The following MNAT1 variants were observed in gnomAD, a reference collection of about 807,000 sequenced individuals.
The protein encoded by MNAT1 is MNAT1 component of CDK activating kinase, also known as CDK-activating kinase assembly factor MAT1.
A neutral mutation model predicts 42.0 loss-of-function variants in MNAT1; 43 were observed. The observed-to-expected ratio is 1.02, with a 90% CI of 0.80 to 1.32. The LOEUF (loss-of-function observed/expected upper bound fraction) is 1.32. Among genes scored for constraint, MNAT1 ranks in the 40% most tolerant of loss-of-function variants. The pLI, the probability that MNAT1 is intolerant of heterozygous loss-of-function variation, is 0.00. For missense variants in MNAT1, 306 were observed against 350.4 expected (o/e 0.87, Z 1.01); for synonymous variants, 118 against 120.0 (o/e 0.98, Z 0.11).
At chr14:60,816,583 A>T (rs1004087347) in intron 5 of MNAT1, among the ~76,000 whole-genome samples, 2 of 152,126 alleles carry the variant, frequency 1.3e-5, no homozygotes, top group African/African-American at 2.4e-5. Context: ...TTCTTTAAAT[A>T]TTAAACAGTG....
rs969722841 is a variant in MNAT1, at chr14:60,858,419, G to T, written c.688-21295G>T. Among the ~76,000 whole-genome samples the T allele has an allele frequency of 6.8e-3, 952 of 140,558 alleles. 8 individuals carry two copies. The highest frequency in any genetic ancestry group is 0.021 in the African/African-American group (809 of 38,280). The allele number at this position is 140,558 out of a possible 152,430, so 92.2% of individuals were successfully genotyped here. ...TATCCTTTGCCCACTTTTTGATGGG[G>T]TTTTTTTTTTTTTTATAAATTTGTT... On this transcript the variant is annotated intron_variant, in intron 6 of 7. Transcript: ENST00000261245.
At chr14:60,941,685 G>C (rs2036162387) in intron 7 of MNAT1, among the ~76,000 whole-genome samples, 1 of 151,286 alleles carries the variant, frequency 6.6e-6, no homozygotes, top group Non-Finnish European at 1.5e-5. Flanking sequence ...GTGAGCAATA[G>C]AGTTAGACCC....
chr14:60,793,304 A>C lies in MNAT1; in HGVS notation c.90-2913A>C, dbSNP rs151207742. On this transcript the variant is annotated intron_variant, in intron 1 of 7. Coordinates refer to ENST00000261245, the MANE Select transcript of MNAT1 (RefSeq NM_002431.4). ...TGACCTGCCTGCCTTGGCCTCCCAA[A>C]GTGATGGGATTACATGTGTGAGCCA... Among the ~76,000 whole-genome samples the C allele has an allele frequency of 5.7e-3, 861 of 152,046 alleles. 8 individuals are homozygous for C. Among genetic ancestry groups the C allele is most frequent in the Non-Finnish European group, 9.8e-3 (664 of 67,990 alleles).
chr14:60,788,721 T>C lies in MNAT1; in HGVS notation c.90-7496T>C, dbSNP rs537084179. Among the ~76,000 whole-genome samples the C allele has an allele frequency of 2.6e-5, 4 of 152,330 alleles. No individual in the cohort carries two copies. The South Asian group carries it at 8.3e-4, about 32-fold the overall frequency. ...TATGGAAACAGCATCTTTCCTTGAA[T>C]TTCATGAACCAACCTCTGCTAGCTT... On this transcript the variant is annotated intron_variant, in intron 1 of 7. Transcript: ENST00000261245.
At chr14:60,933,574 CATTT>C (rs1400134006) in intron 7 of MNAT1, among the ~76,000 whole-genome samples, 5 of 151,986 alleles carry the variant, frequency 3.3e-5, no homozygotes, top group Admixed American at 6.6e-5. Context: ...CAAATTATCC[CATTT>C]ATTTATTTAA....
At chr14:60,910,084 C>A (rs1005121831) in intron 7 of MNAT1, among the ~76,000 whole-genome samples, 2 of 152,152 alleles carry the variant, frequency 1.3e-5, no homozygotes, top group African/African-American at 4.8e-5. Flanking sequence ...CTCTTTGAAG[C>A]AATTATGAAT....
At chr14:60,945,582 C>T (rs1265546308) in intron 7 of MNAT1, among the ~76,000 whole-genome samples, 1 of 152,120 alleles carries the variant, frequency 6.6e-6, no homozygotes, top group Non-Finnish European at 1.5e-5. Flanking sequence ...CACATCTTTT[C>T]TTCCTTATGA....
intron 7 of MNAT1, among the ~76,000 whole-genome samples, chr14:60,915,482 T>A (rs941497679): frequency 3.3e-5 from 5 of 152,220 alleles, no homozygotes; most frequent in Non-Finnish European, 5.9e-5. Flanking sequence ...TCTTCACATT[T>A]TTCCTTTGGC....
intron 7 of MNAT1, among the ~76,000 whole-genome samples, chr14:60,889,908 T>C (rs902134729): frequency 2.6e-5 from 4 of 152,064 alleles, no homozygotes; most frequent in Non-Finnish European, 4.4e-5. Context: ...GAGATACCAT[T>C]TCACACCAAT....
intron 7 of MNAT1, among the ~76,000 whole-genome samples, chr14:60,887,868 GACAC>G (rs1157445695): frequency 6.6e-6 from 1 of 151,648 alleles, no homozygotes; most frequent in Non-Finnish European, 1.5e-5. Flanking sequence ...TAAATTCCTC[GACAC>G]ACACACCCTC....
chr14:60,781,878 A>T (rs776986386), intron 1 of MNAT1, among the ~76,000 whole-genome samples: 2 of 150,582 alleles, frequency 1.3e-5, no homozygotes, highest in Admixed American at 1.3e-4. Context: ...TTTATTTAGT[A>T]GTCATTTATT....
intron 7 of MNAT1, among the ~76,000 whole-genome samples, chr14:60,953,181 A>G (rs1452658115): frequency 5.9e-5 from 9 of 152,210 alleles, no homozygotes; most frequent in Admixed American, 5.2e-4. Context: ...TATACATAGT[A>G]TTTGTGAAAT....
chr14:60,807,360 A>T (rs993040903), intron 3 of MNAT1, among the ~76,000 whole-genome samples: 8 of 152,172 alleles, frequency 5.3e-5, no homozygotes, highest in Admixed American at 1.3e-4. Context: ...AACCCAAGGG[A>T]TAGAGCAGAG....
chr14:60,872,834 A>G (rs1453643599), intron 6 of MNAT1, among the ~76,000 whole-genome samples: 1 of 141,210 alleles, frequency 7.1e-6, no homozygotes, highest in Non-Finnish European at 1.5e-5. Context: ...TCACACACAC[A>G]TACACACACA....
intron 7 of MNAT1, among the ~76,000 whole-genome samples, chr14:60,945,836 A>G (rs1242057957): frequency 6.6e-6 from 1 of 152,162 alleles, no homozygotes; most frequent in Admixed American, 6.5e-5. Context: ...CACATCCCAC[A>G]GTGGCTTTCC....
At chr14:60,799,614 A>G (rs1276437450) in intron 3 of MNAT1, among the ~76,000 whole-genome samples, 2 of 152,132 alleles carry the variant, frequency 1.3e-5, no homozygotes, top group African/African-American at 4.8e-5. Context: ...ACATATACAG[A>G]GAAGGTGAGG....
intron 7 of MNAT1, among the ~76,000 whole-genome samples, chr14:60,902,115 CA>C (rs1212726826): frequency 6.6e-6 from 1 of 152,116 alleles, no homozygotes; most frequent in Non-Finnish European, 1.5e-5. Flanking sequence ...CTTCAGCAAC[CA>C]CCATTGTGAT....
At chr14:60,776,885 T>A (rs1474271140) in intron 1 of MNAT1, among the ~76,000 whole-genome samples, 1 of 152,166 alleles carries the variant, frequency 6.6e-6, no homozygotes, top group Non-Finnish European at 1.5e-5. Context: ...CTCACTCTCT[T>A]TGCCTAGGCT....
chr14:60,929,352 C>T (rs899903741), intron 7 of MNAT1, among the ~76,000 whole-genome samples: 8 of 151,650 alleles, frequency 5.3e-5, no homozygotes, highest in African/African-American at 1.7e-4. Context: ...ATCTAAGACA[C>T]TTTTGCCTAA....
Sources: gnomAD v4.1 joint callset for allele counts (sites outside exome capture counted in the v4.1 genomes callset) on GRCh38, gnomAD v4.1.1 for gene constraint, MANE v1.5 for transcripts, NCBI Gene and HGNC (gene_info 2026-07-23, HGNC 2026-07-21) for gene names.